PRKAG1: variants seen among roughly 807,000 people sequenced by gnomAD.
The protein encoded by PRKAG1 is protein kinase AMP-activated non-catalytic subunit gamma 1, also known as 5'-AMP-activated protein kinase subunit gamma-1.
PRKAG1 carries 27 observed loss-of-function variants against 48.2 expected under a neutral mutation model. The ratio of observed to expected loss-of-function variants is 0.56; its 90% confidence interval spans 0.41 to 0.77. The LOEUF is 0.77. PRKAG1 is among the 30% of genes least tolerant of loss of function. PRKAG1 has a pLI of 0.00. For missense variants in PRKAG1, 287 were observed against 398.3 expected (o/e 0.72, Z 2.38); for synonymous variants, 130 against 147.7 (o/e 0.88, Z 0.87).
Position 49,002,983 on chromosome 12 carries a change from A to C in PRKAG1, c.912T>G (p.Asp304Glu), listed in dbSNP as rs763504837. 6.2e-7 allele frequency: 1 copy of C among 1,614,186 alleles called. No homozygotes were observed. Among genetic ancestry groups the C allele is most frequent in the East Asian group, 2.2e-5 (1 of 44,876 alleles). ...CAATTCCCTTGACCACATCATTTTC[A>C]TCCACCACTACAAGTCGGTGAACCT... is the stretch of plus-strand genomic sequence containing the variant. ...EAEVHRLVVV[D>E]ENDVVKGIVS... is the part of the protein sequence containing the mutation. The change falls in exon 12 of 12, where the codon GAT becomes GAG. Residue 304 changes from aspartate to glutamate, a missense_variant. Coordinates refer to ENST00000548065, the MANE Select transcript of PRKAG1 (RefSeq NM_002733.5).
chr12:49,011,499 G>C (rs1166963473), intron 2 of PRKAG1, among the ~76,000 whole-genome samples: 1 of 150,506 alleles, frequency 6.6e-6, no homozygotes, highest in Non-Finnish European at 1.5e-5. Flanking sequence ...ACTGTGCCCA[G>C]ACTTGAAGAT....
chr12:49,002,811 C>A lies in PRKAG1; in HGVS notation c.*88G>T. On this transcript the variant is annotated 3_prime_UTR_variant, in exon 12 of 12. Coordinates refer to ENST00000548065, the MANE Select transcript of PRKAG1 (RefSeq NM_002733.5). ...CTGAACAGGGAACAGAGTCACAATT[C>A]CCTCAAGTTTCATCTGATTCCCACA... 7.9e-7 allele frequency: 1 copy of A among 1,260,128 alleles called. No individual in the cohort carries two copies. The highest frequency in any genetic ancestry group is 1.1e-6 in the Non-Finnish European group (1 of 880,736). 78.1% of individuals were successfully genotyped at this position (1,260,128 alleles called of 1,614,324 possible).
intron 2 of PRKAG1, among the ~76,000 whole-genome samples, chr12:49,011,379 A>C (rs570081247): frequency 2.7e-5 from 4 of 150,010 alleles, no homozygotes; most frequent in Admixed American, 1.3e-4. Context: ...GAGTGCAAAA[A>C]ATTTTTAATT....
intron 1 of PRKAG1, among the ~76,000 whole-genome samples, chr12:49,014,172 C>A (rs1941876088): frequency 6.6e-6 from 1 of 152,226 alleles, no homozygotes; most frequent in East Asian, 1.9e-4. Context: ...GCATGAGCCA[C>A]CACGCCCGGC....
intron 2 of PRKAG1, among the ~76,000 whole-genome samples, chr12:49,007,200 T>C (rs1171277455): frequency 1.3e-5 from 2 of 151,630 alleles, no homozygotes; most frequent in African/African-American, 2.4e-5. Context: ...GGCAGGAGAA[T>C]TGCTTGAACC....
In PRKAG1 at chr12:49,005,595, G is replaced by A. The variant is rs146626777; in HGVS notation, c.169-52C>T. ...AAGGCAAATCCACAGGGGCAGGACT[G>A]TAAAAAAAGAACAGTGTTTGGGCAT... On this transcript the variant is annotated intron_variant, in intron 3 of 11. Transcript: ENST00000548065. This position sits in a 1 kb window ranked among gnomAD's most constrained non-coding sequence, Gnocchi z 4.1. 3.0e-5 allele frequency: 49 copies of A among 1,613,734 alleles called. No individual in the cohort carries two copies. The highest frequency in any genetic ancestry group is 2.0e-4 in the African/African-American group (15 of 75,008).
At chr12:49,018,447 G>A in intron 1 of PRKAG1, 1 of 1,329,316 alleles carries the variant, frequency 7.5e-7, no homozygotes, top group Non-Finnish European at 9.6e-7. Flanking sequence ...AAGGAGGCCC[G>A]AGATTGCCAC....
intron 1 of PRKAG1, chr12:49,017,046 C>G: frequency 2.3e-6 from 1 of 439,144 alleles, no homozygotes; most frequent in Middle Eastern, 3.3e-4. Flanking sequence ...TCTCCTAGGT[C>G]CAAAGTAATT....
chr12:49,005,974 C>T lies in PRKAG1; in HGVS notation c.59-122G>A. 2 of 721,954 alleles carry T rather than the reference C, an allele frequency of 2.8e-6. No individual in the cohort carries two copies. Among genetic ancestry groups the T allele is most frequent in the Non-Finnish European group, 4.5e-6 (2 of 443,220 alleles). 44.7% of individuals were successfully genotyped at this position (721,954 alleles called of 1,614,324 possible). On this transcript the variant is annotated intron_variant, in intron 2 of 11. Coordinates refer to ENST00000548065, the MANE Select transcript of PRKAG1 (RefSeq NM_002733.5). The surrounding 1 kb of genome is among the most constrained non-coding windows in gnomAD (Gnocchi z 4.1). ...TAGAGCATTATTTTTTAATAAGACCCCTTATTTTATCTGTCTTGTTCCTAT... is the reference window on the plus strand; with the variant it reads ...TAGAGCATTATTTTTTAATAAGACCTCTTATTTTATCTGTCTTGTTCCTAT...
At chr12:49,008,754 C>T (rs1475416041) in intron 2 of PRKAG1, among the ~76,000 whole-genome samples, 1 of 152,204 alleles carries the variant, frequency 6.6e-6, no homozygotes, top group East Asian at 1.9e-4. Flanking sequence ...GAAGGCATTG[C>T]TCCATTGCCT....
chr12:49,015,647 A>C (rs1941938170), intron 1 of PRKAG1, among the ~76,000 whole-genome samples: 1 of 152,034 alleles, frequency 6.6e-6, no homozygotes, highest in South Asian at 2.1e-4. Flanking sequence ...ATCTTGGCTC[A>C]CTGTAATCTC....
At chr12:49,017,012 C>G (rs1483532895) in intron 1 of PRKAG1, 1 of 409,044 alleles carries the variant, frequency 2.4e-6, no homozygotes, top group African/African-American at 2.1e-5. Context: ...CTTGCTCACA[C>G]TGTTCTCTCA....
intron 1 of PRKAG1, among the ~76,000 whole-genome samples, chr12:49,014,565 G>T (rs1473997587): frequency 1.3e-5 from 2 of 152,232 alleles, no homozygotes; most frequent in Non-Finnish European, 2.9e-5. Flanking sequence ...CTCCATGGCA[G>T]AGAGAGAGCC....
In PRKAG1 at chr12:49,002,882, T is replaced by A; in HGVS notation, c.*17A>T. On this transcript the variant is annotated 3_prime_UTR_variant, in exon 12 of 12. Transcript: ENST00000548065. ...GTTGGGCATATCCCCTGGTGCTGCA[T>A]GACCCCTTCCCCCAGCTCAGGGCTT... 1 of 1,605,858 alleles carries A rather than the reference T, an allele frequency of 6.2e-7. No homozygotes were observed. The highest frequency in any genetic ancestry group is 8.5e-7 in the Non-Finnish European group (1 of 1,172,730).
At chr12:49,018,589 G>A (rs1470422428) in intron 1 of PRKAG1, 143 bp downstream of exon 1, 11 of 1,517,662 alleles carry the variant, frequency 7.2e-6, no homozygotes, top group African/African-American at 4.2e-5. Flanking sequence ...GAGGAACAGG[G>A]TCACGGGATA....
chr12:49,018,651 C>T, intron 1 of PRKAG1, 81 bp downstream of exon 1: 1 of 1,606,708 alleles, frequency 6.2e-7, no homozygotes. Flanking sequence ...CCAGCCCCTG[C>T]CCGGCCCTCC....
intron 1 of PRKAG1, chr12:49,017,241 C>T: frequency 2.2e-6 from 1 of 455,662 alleles, no homozygotes; most frequent in Non-Finnish European, 4.4e-6. Flanking sequence ...CACTGTGTCA[C>T]TCAGACTGGA....
Position 49,005,552 on chromosome 12 carries a change from A to G in PRKAG1, c.169-9T>C. ...AAAAAAGCTTTCTTCACCTGTAGCC[A>G]AGACAGTAATAATCATAAAGGCAAA... is the stretch of plus-strand genomic sequence containing the variant. On this transcript the variant is annotated splice_polypyrimidine_tract_variant and intron_variant, in intron 3 of 11. Transcript: ENST00000548065. This position sits in a 1 kb window ranked among gnomAD's most constrained non-coding sequence, Gnocchi z 4.1. 6.2e-7 allele frequency: 1 copy of G among 1,614,220 alleles called. No homozygotes were observed. The highest frequency in any genetic ancestry group is 8.5e-7 in the Non-Finnish European group (1 of 1,180,040).
chr12:49,008,892 T>G (rs2137666664), intron 2 of PRKAG1, among the ~76,000 whole-genome samples: 1 of 152,308 alleles, frequency 6.6e-6, no homozygotes, highest in Non-Finnish European at 1.5e-5. Context: ...TGACTGTGCT[T>G]TGGGTGGGTC....
Sources: allele counts gnomAD v4.1 joint callset (sites outside exome capture counted in the v4.1 genomes callset), GRCh38; gene constraint gnomAD v4.1.1; non-coding constraint Gnocchi (gnomAD v3.1); transcripts MANE v1.5; gene names NCBI Gene and HGNC (gene_info 2026-07-23, HGNC 2026-07-21).